The following ABCB1 variants were observed in gnomAD, a reference collection of about 807,000 sequenced individuals.
ABCB1 encodes the protein ATP-dependent translocase ABCB1.
In ABCB1, 69 loss-of-function variants were observed where a neutral mutation model predicts 142.0. That is an observed-to-expected ratio of 0.49 (90% CI 0.40 to 0.59). ABCB1 has a LOEUF of 0.59. ABCB1 is among the 20% of genes least tolerant of loss of function. ABCB1 has a pLI of 0.00. For synonymous variants in ABCB1, 532 were observed against 539.2 expected (o/e 0.99, Z 0.18); for missense variants, 1,326 against 1,554.7 (o/e 0.85, Z 2.47).
intron 20 of ABCB1, among the ~76,000 whole-genome samples, chr7:87,532,077 C>T (rs753502364): frequency 3.5e-4 from 53 of 152,080 alleles, no homozygotes; most frequent in Non-Finnish European, 5.9e-4. Flanking sequence ...AGCTCTAAAG[C>T]CAGAAGTCAA....
At chr7:87,580,964 G>A (rs1040987261) in intron 4 of ABCB1, among the ~76,000 whole-genome samples, 1 of 151,626 alleles carries the variant, frequency 6.6e-6, no homozygotes, top group Admixed American at 6.6e-5. Flanking sequence ...CAAATAGTGT[G>A]GTCGCTCACC....
In ABCB1 at chr7:87,531,473, T is replaced by C. The variant is rs28381967; in HGVS notation, c.2506A>G (p.Ile836Val). 349 of 1,613,196 alleles carry C rather than the reference T, an allele frequency of 2.2e-4. No individual in the cohort carries two copies. The African/African-American group carries it at 4.1e-3, about 19-fold the overall frequency. Residue 836 changes from isoleucine (I) to valine (V), a missense_variant, in exon 21 of 28, where the codon ATT (isoleucine) becomes GTT (valine). By Grantham distance (29) the Ile-to-Val change is conservative. Coordinates refer to ENST00000622132, the MANE Select transcript of ABCB1 (RefSeq NM_001348946.2). ...KGAIGSRLAV[I>V]TQNIANLGTG... is the part of the protein sequence containing the mutation. The stretch of plus-strand genomic sequence containing the variant: ...CCAAGATTTGCTATATTCTGGGTAA[T>C]TACAGCAAGCCTGGAACCTATAGCC...
chr7:87,639,178 C>T (rs910008894), intron 1 of ABCB1, among the ~76,000 whole-genome samples: 5 of 129,674 alleles, frequency 3.9e-5, no homozygotes, highest in Admixed American at 2.3e-4. Context: ...AAAAAAAAAT[C>T]TATTGTCTAA....
At chr7:87,581,049 A>AG (rs200571013) in intron 4 of ABCB1, among the ~76,000 whole-genome samples, 3 of 150,602 alleles carry the variant, frequency 2.0e-5, no homozygotes, top group Admixed American at 6.6e-5. Context: ...GGGATGGGGG[A>AG]GGGGGGGATG....
rs78418524 is a variant in ABCB1, at chr7:87,634,784, T to C, written c.-330-33706A>G. 9.2e-3 allele frequency among the ~76,000 whole-genome samples: 1,401 copies of C among 152,338 alleles called. 15 individuals are homozygous for C. The highest frequency in any genetic ancestry group is 0.025 in the Admixed American group (382 of 15,306). On this transcript the variant is annotated intron_variant, in intron 1 of 28. Coordinates refer to the ABCB1 transcript ENST00000265724. ...CTAAAACTCTTTCAGTCATTTTATA[T>C]GTAGTAGAACTTTGAGTTTGAGTTT...
intron 1 of ABCB1, among the ~76,000 whole-genome samples, chr7:87,626,094 ATATATT>A (rs1820443378): frequency 8.0e-6 from 1 of 125,572 alleles, no homozygotes; most frequent in Non-Finnish European, 1.7e-5. Flanking sequence ...ATATATATAT[ATATATT>A]GTCATATATA....
At chr7:87,535,481 C>T (rs1007401886) in intron 20 of ABCB1, among the ~76,000 whole-genome samples, 1 of 151,840 alleles carries the variant, frequency 6.6e-6, no homozygotes, top group Non-Finnish European at 1.5e-5. Flanking sequence ...TACAGGCGTG[C>T]ACCTGTAATT....
intron 1 of ABCB1, among the ~76,000 whole-genome samples, chr7:87,684,466 A>C (rs1827240270): frequency 6.6e-6 from 1 of 152,130 alleles, no homozygotes; most frequent in South Asian, 2.1e-4. Context: ...TTATTGGTAA[A>C]AGCTTATACG....
At position 87,527,763 on chromosome 7, in the gene ABCB1, C is replaced by T. The variant is rs537515223; in HGVS notation, c.2685+3531G>A. ...AGTGTCACTGCATTTTAAGCAGGTA[C>T]AACACTTGAACTCACTGCAGTAGCA... On this transcript the variant is annotated intron_variant, in intron 21 of 27. Coordinates refer to ENST00000622132, the MANE Select transcript of ABCB1 (RefSeq NM_001348946.2). 1.4e-4 allele frequency among the ~76,000 whole-genome samples: 22 copies of T among 152,270 alleles called. No individual in the cohort carries two copies. The East Asian group carries it at 4.0e-3, about 28-fold the overall frequency.
At chr7:87,622,923 T>C (rs1820277114) in intron 1 of ABCB1, among the ~76,000 whole-genome samples, 1 of 152,242 alleles carries the variant, frequency 6.6e-6, no homozygotes, top group Non-Finnish European at 1.5e-5. Flanking sequence ...ATGCCTGTAG[T>C]CCCAGCTACT....
intron 26 of ABCB1, 151 bp from the exon 27 acceptor site, chr7:87,506,194 TA>T (rs1394154556): frequency 4.0e-6 from 3 of 751,580 alleles, no homozygotes; most frequent in African/African-American, 1.8e-5. Context: ...GAAAGAACAG[TA>T]AAAAAGCCCA....
At chr7:87,545,311 C>T (rs1267590698) in intron 15 of ABCB1, among the ~76,000 whole-genome samples, 2 of 152,296 alleles carry the variant, frequency 1.3e-5, no homozygotes, top group Admixed American at 6.5e-5. Context: ...TACTCTGGAT[C>T]AGTGCTTTCA....
chr7:87,647,438 T>C (rs1260864547), intron 1 of ABCB1, among the ~76,000 whole-genome samples: 2 of 152,228 alleles, frequency 1.3e-5, no homozygotes, highest in East Asian at 3.8e-4. Context: ...TATAATCTAA[T>C]TGTCTTCTAT....
chr7:87,578,136 A>G (rs548366282), intron 4 of ABCB1, among the ~76,000 whole-genome samples: 8 of 152,154 alleles, frequency 5.3e-5, no homozygotes, highest in South Asian at 4.1e-4. Context: ...TTTTATGCAT[A>G]TGGATATCCA....
At chr7:87,671,063 G>A (rs146031842) in intron 1 of ABCB1, among the ~76,000 whole-genome samples, 120 of 152,256 alleles carry the variant, frequency 7.9e-4, no homozygotes, top group African/African-American at 2.7e-3. Flanking sequence ...TTTCCTGGGG[G>A]CTCCAACCCA....
intron 26 of ABCB1, among the ~76,000 whole-genome samples, chr7:87,509,014 C>T (rs1213866435): frequency 6.6e-6 from 1 of 152,160 alleles, no homozygotes; most frequent in Admixed American, 6.5e-5. Context: ...TTCCAGTTCT[C>T]CTATCCCAGA....
chr7:87,525,278 G>A (rs560338969), intron 21 of ABCB1, among the ~76,000 whole-genome samples: 17 of 152,100 alleles, frequency 1.1e-4, no homozygotes, highest in Non-Finnish European at 2.4e-4. Flanking sequence ...AAAAATGTAT[G>A]TTTCTAGAAA....
intron 2 of ABCB1, among the ~76,000 whole-genome samples, chr7:87,597,876 T>C (rs1433809474): frequency 1.3e-5 from 2 of 152,192 alleles, no homozygotes; most frequent in African/African-American, 4.8e-5. Flanking sequence ...TGTTGAACTT[T>C]TAGATTGTTT....
At position 87,584,577 on chromosome 7, in the gene ABCB1, A is replaced by T. The variant is rs189035409; in HGVS notation, c.286+935T>A. 4.6e-4 allele frequency among the ~76,000 whole-genome samples: 70 copies of T among 152,256 alleles called. No individual in the cohort carries two copies. In the East Asian group the frequency reaches 6.8e-3, roughly 15 times the overall value. The stretch of plus-strand genomic sequence containing the variant: ...GAGGGAGAGAGAGGAAAGAATATGT[A>T]TGTTACACCCAGATTATTTCTGTAG... On this transcript the variant is annotated intron_variant, in intron 4 of 27. Transcript: ENST00000622132.
Sources: allele counts gnomAD v4.1 joint callset (sites outside exome capture counted in the v4.1 genomes callset), GRCh38; gene constraint gnomAD v4.1.1; transcripts MANE v1.5; gene names NCBI Gene and HGNC (gene_info 2026-07-23, HGNC 2026-07-21).